The following SRGAP1 variants were observed in gnomAD, a reference collection of about 807,000 sequenced individuals.
The protein encoded by SRGAP1 is SLIT-ROBO Rho GTPase-activating protein 1.
SRGAP1 carries 43 observed loss-of-function variants against 121.9 expected under a neutral mutation model. The observed-to-expected ratio is 0.35, with a 90% CI of 0.28 to 0.46. The LOEUF (loss-of-function observed/expected upper bound fraction) is 0.46, where lower values mean the gene tolerates loss of function less well. Among genes scored for constraint, SRGAP1 ranks in the 20% least tolerant of loss-of-function variants. SRGAP1 has a pLI of 1.00. For synonymous variants in SRGAP1, 447 were observed against 485.4 expected, an observed-to-expected ratio of 0.92 and a Z score of 1.04; for missense variants, 1,102 against 1,350.9, an observed-to-expected ratio of 0.82 and a Z score of 2.89.
At chr12:64,034,736 A>G (rs1439425384) in intron 4 of SRGAP1, among the ~76,000 whole-genome samples, 1 of 152,168 alleles carries the variant, frequency 6.6e-6, no homozygotes, top group East Asian at 1.9e-4. Context: ...GAGGCACAGA[A>G]AGGTTAGGTT....
At position 63,932,920 on chromosome 12, in the gene SRGAP1, T is replaced by C. The variant is rs374199711; in HGVS notation, c.68-51027T>C. Among the ~76,000 whole-genome samples, 6 of 152,244 alleles carry C rather than the reference T, an allele frequency of 3.9e-5. No individual in the cohort carries two copies. In the East Asian group the frequency reaches 7.7e-4, roughly 20 times the overall value. On this transcript the variant is annotated intron_variant, in intron 1 of 21. Transcript: ENST00000355086. ...AGAACCATACGTAGGCCAGGAGCAG[T>C]GGCTCACGCCTTTAATCCCAGCACT...
chr12:64,153,409 G>A lies in SRGAP1; in HGVS notation c.*10737G>A, dbSNP rs1364951010. On this transcript the variant is annotated 3_prime_UTR_variant, in exon 22 of 22. Transcript: ENST00000355086. ...AATTGCTTGAACCCATGAGACGGAGGTTGCAGTGACCCGAGATTGTGCCAC... is the reference window on the plus strand; with the variant it reads ...AATTGCTTGAACCCATGAGACGGAGATTGCAGTGACCCGAGATTGTGCCAC... The A allele has an allele frequency of 6.6e-6, 1 of 150,970 alleles. No individual in the cohort carries two copies. Among genetic ancestry groups the A allele is most frequent in the Non-Finnish European group, 1.5e-5 (1 of 67,948 alleles). The allele number at this position is 150,970 out of a possible 1,614,324, so 9.4% of individuals were successfully genotyped here.
chr12:64,013,671 A>G (rs12367875), intron 3 of SRGAP1, among the ~76,000 whole-genome samples: 54,858 of 152,054 alleles, frequency 0.36, 11,148 homozygotes, highest in Non-Finnish European at 0.48. Flanking sequence ...CATATACCTT[A>G]TTATGGGGAC....
intron 3 of SRGAP1, among the ~76,000 whole-genome samples, chr12:63,992,322 T>G (rs2136421050): frequency 6.6e-6 from 1 of 152,328 alleles, no homozygotes; most frequent in African/African-American, 2.4e-5. Context: ...TCTGCATACT[T>G]GCTTTGTGAT....
At chr12:63,892,680 T>A (rs1245847425) in intron 1 of SRGAP1, among the ~76,000 whole-genome samples, 3 of 152,188 alleles carry the variant, frequency 2.0e-5, no homozygotes, top group Non-Finnish European at 4.4e-5. Context: ...ACTCTGTCTT[T>A]GAATCCTGTC....
intron 21 of SRGAP1, among the ~76,000 whole-genome samples, chr12:64,134,252 TCTACTAAAAATCTAAAAA>T (rs2036826970): frequency 6.6e-6 from 1 of 151,872 alleles, no homozygotes; most frequent in East Asian, 1.9e-4. Flanking sequence ...AAACCCCGTC[TCTACTAAAAATCTAAAAA>T]ATTAGCTGGG....
intron 1 of SRGAP1, among the ~76,000 whole-genome samples, chr12:63,950,158 T>G (rs1301271549): frequency 1.3e-5 from 2 of 152,290 alleles, no homozygotes; most frequent in South Asian, 2.1e-4. Flanking sequence ...TTGAAAGACA[T>G]ATCTTCTCAA....
At chr12:63,859,276 C>T (rs138791976) in intron 1 of SRGAP1, among the ~76,000 whole-genome samples, 4,046 of 152,258 alleles carry the variant, frequency 0.027, 203 homozygotes, top group African/African-American at 0.091. Flanking sequence ...TTTGGTGCCT[C>T]AGCCTCCCAA....
At chr12:64,087,368 G>A (rs906299706) in intron 11 of SRGAP1, among the ~76,000 whole-genome samples, 2 of 152,052 alleles carry the variant, frequency 1.3e-5, no homozygotes, top group Admixed American at 6.5e-5. Flanking sequence ...AAAAAAATAC[G>A]ACGTGTACAT....
At chr12:64,102,905 C>CT (rs2036281607) in intron 15 of SRGAP1, among the ~76,000 whole-genome samples, 2 of 152,240 alleles carry the variant, frequency 1.3e-5, no homozygotes, top group East Asian at 3.9e-4. Context: ...TTGTACAACT[C>CT]TGAGTGTACT....
chr12:63,864,888 GA>G (rs901481015), intron 1 of SRGAP1, among the ~76,000 whole-genome samples: 5 of 150,134 alleles, frequency 3.3e-5, no homozygotes, highest in African/African-American at 4.9e-5. Flanking sequence ...AAACATCTGT[GA>G]AAAAAAAATT....
At chr12:63,986,705 G>C (rs115275125) in intron 2 of SRGAP1, among the ~76,000 whole-genome samples, 2,110 of 152,298 alleles carry the variant, frequency 0.014, 64 homozygotes, top group African/African-American at 0.047. Flanking sequence ...TGACAGGTGT[G>C]AGCCACTGTG....
intron 1 of SRGAP1, among the ~76,000 whole-genome samples, chr12:63,876,800 A>G (rs942567238): frequency 6.6e-6 from 1 of 152,194 alleles, no homozygotes; most frequent in South Asian, 2.1e-4. Flanking sequence ...TATTTTCTCA[A>G]TATAGTTTAT....
intron 1 of SRGAP1, among the ~76,000 whole-genome samples, chr12:63,868,284 G>C (rs1239137220): frequency 1.3e-5 from 2 of 151,294 alleles, no homozygotes; most frequent in African/African-American, 4.9e-5. Context: ...GGTCTCACCA[G>C]GTTGGCCAGC....
At chr12:63,868,056 ATTTTTT>A (rs1219689164) in intron 1 of SRGAP1, among the ~76,000 whole-genome samples, 3 of 57,842 alleles carry the variant, frequency 5.2e-5, no homozygotes, top group Admixed American at 2.6e-4. Flanking sequence ...ATATATATAT[ATTTTTT>A]TTTTTTTTTT....
At chr12:64,016,755 TG>T (rs2136465197) in intron 3 of SRGAP1, among the ~76,000 whole-genome samples, 194 bp from the exon 4 acceptor site, 1 of 152,306 alleles carries the variant, frequency 6.6e-6, no homozygotes, top group Admixed American at 6.5e-5. Context: ...GGTTGTCACT[TG>T]TTTGCTCTGT....
intron 1 of SRGAP1, among the ~76,000 whole-genome samples, chr12:63,861,177 ATT>A (rs5798706): frequency 2.2e-4 from 31 of 140,316 alleles, no homozygotes; most frequent in Non-Finnish European, 2.3e-4. Flanking sequence ...GCATTCTGTA[ATT>A]TTTTTTTTTT....
At chr12:63,939,865 G>A (rs7973936) in intron 1 of SRGAP1, among the ~76,000 whole-genome samples, 45,029 of 151,986 alleles carry the variant, frequency 0.3, 7,109 homozygotes, top group East Asian at 0.52. Flanking sequence ...CTAAAGATCT[G>A]TAAAGTCTCT....
intron 21 of SRGAP1, among the ~76,000 whole-genome samples, chr12:64,138,390 CT>C (rs1242476017): frequency 6.7e-6 from 1 of 150,032 alleles, no homozygotes; most frequent in Non-Finnish European, 1.5e-5. Context: ...CACACTCCAC[CT>C]TTTTGAAACA....
Sources: allele counts gnomAD v4.1 joint callset (sites outside exome capture counted in the v4.1 genomes callset), GRCh38; gene constraint gnomAD v4.1.1; transcripts MANE v1.5; gene names NCBI Gene and HGNC (gene_info 2026-07-23, HGNC 2026-07-21).